The following MFSD6 variants were observed in gnomAD, a reference collection of about 807,000 sequenced individuals.
The protein encoded by MFSD6 is major facilitator superfamily domain-containing protein 6.
A neutral mutation model predicts 56.3 loss-of-function variants in MFSD6; 26 were observed. That is an observed-to-expected ratio of 0.46 (90% CI 0.34 to 0.64). The LOEUF (loss-of-function observed/expected upper bound fraction) is 0.64. Ranked by LOEUF, MFSD6 falls within the 30% of genes least tolerant of loss-of-function variation. MFSD6 has a pLI of 0.01. For missense variants in MFSD6, 750 were observed against 986.2 expected, an observed-to-expected ratio of 0.76 and a Z score of 3.21; for synonymous variants, 331 against 366.9, an observed-to-expected ratio of 0.90 and a Z score of 1.12.
rs1156921319 is a variant in MFSD6 at position 190,467,297 on chromosome 2, T to G, written c.1533-2461T>G. Among the ~76,000 whole-genome samples, 1 of 152,146 alleles carries G rather than the reference T, an allele frequency of 6.6e-6. No individual in the cohort carries two copies. Among genetic ancestry groups the G allele is most frequent in the Non-Finnish European group, 1.5e-5 (1 of 68,010 alleles). Reference sequence around the variant, plus strand: ...CTCGGCATCTGTAGTTGTAAACAGTTACCATGGTAAATCTGATGTCCAGCC... The same window carrying G: ...CTCGGCATCTGTAGTTGTAAACAGTGACCATGGTAAATCTGATGTCCAGCC... On this transcript the variant is annotated intron_variant, in intron 3 of 7. Coordinates refer to ENST00000392328, the MANE Select transcript of MFSD6 (RefSeq NM_017694.4). This position sits in a 1 kb window ranked among gnomAD's most constrained non-coding sequence, Gnocchi z 5.5.
intron 4 of MFSD6, among the ~76,000 whole-genome samples, chr2:190,480,632 C>T (rs892374195): frequency 3.9e-5 from 6 of 152,150 alleles, no homozygotes; most frequent in East Asian, 1.9e-4. Context: ...TGCAATAATC[C>T]GGAAACCATA....
rs1193008107 is a variant in MFSD6 at position 190,500,699 on chromosome 2, A to G, written c.*481A>G. 6.5e-6 allele frequency: 1 copy of G among 153,836 alleles called. No individual in the cohort carries two copies. The highest frequency in any genetic ancestry group is 1.4e-5 in the Non-Finnish European group (1 of 69,180). The allele number at this position is 153,836 out of a possible 1,614,324, so 9.5% of individuals were successfully genotyped here. A position where few individuals can be genotyped will look rare whatever the true frequency, so the allele number is the denominator to read the frequency against. On this transcript the variant is annotated 3_prime_UTR_variant, in exon 8 of 8. Coordinates refer to ENST00000392328, the MANE Select transcript of MFSD6 (RefSeq NM_017694.4). This position sits in a 1 kb window ranked among gnomAD's most constrained non-coding sequence, Gnocchi z 5.3. The stretch of plus-strand genomic sequence containing the variant: ...AGAGAACCGTTTAAAAAATTACAAG[A>G]TATATTTAAAAAGTAACCAGATAAA...
intron 2 of MFSD6, among the ~76,000 whole-genome samples, chr2:190,419,847 G>A (rs1559102345): frequency 6.6e-6 from 1 of 152,166 alleles, no homozygotes; most frequent in Non-Finnish European, 1.5e-5. Context: ...CCAGGTTTTA[G>A]AAGTCTGTGT....
Position 190,435,505 on chromosome 2 carries a change from C to T in MFSD6, c.-53-472C>T, listed in dbSNP as rs192023748. Among the ~76,000 whole-genome samples the T allele has an allele frequency of 6.6e-5, 10 of 152,338 alleles. No homozygotes were observed. In the East Asian group the frequency reaches 1.3e-3, roughly 21 times the overall value. Reference sequence around the variant, plus strand: ...GCCATCGGCTTCCTCTTTCTCATTACATTTGTGGTTGTGGTTAAGTGCAAC... The same window carrying T: ...GCCATCGGCTTCCTCTTTCTCATTATATTTGTGGTTGTGGTTAAGTGCAAC... On this transcript the variant is annotated intron_variant, in intron 2 of 7. Coordinates refer to ENST00000392328, the MANE Select transcript of MFSD6 (RefSeq NM_017694.4).
At position 190,463,730 on chromosome 2, in the gene MFSD6, G is replaced by C. The variant is rs1687451375; in HGVS notation, c.1533-6028G>C. 4.0e-6 allele frequency: 1 copy of C among 247,576 alleles called. No individual in the cohort carries two copies. Among genetic ancestry groups the C allele is most frequent in the Non-Finnish European group, 6.4e-6 (1 of 155,576 alleles). 15.3% of individuals were successfully genotyped at this position (247,576 alleles called of 1,614,324 possible). A position where few individuals can be genotyped will look rare whatever the true frequency, so the allele number is the denominator to read the frequency against. Reference sequence around the variant, plus strand: ...AGCTACTTGGGGGGCTGAGGTGGGAGGATCACCTGGGCTCTGGTGGTCAAG... The same window carrying C: ...AGCTACTTGGGGGGCTGAGGTGGGACGATCACCTGGGCTCTGGTGGTCAAG... On this transcript the variant is annotated intron_variant, in intron 3 of 7. Coordinates refer to ENST00000392328, the MANE Select transcript of MFSD6 (RefSeq NM_017694.4). The surrounding 1 kb of genome is among the most constrained non-coding windows in gnomAD (Gnocchi z 4.4).
chr2:190,452,964 C>T (rs940992907), intron 3 of MFSD6, among the ~76,000 whole-genome samples: 7 of 152,148 alleles, frequency 4.6e-5, no homozygotes, highest in Non-Finnish European at 1.0e-4. Context: ...TTCAATATTT[C>T]TTTAAAGGAG....
chr2:190,436,087 T>C lies in MFSD6; in HGVS notation c.58T>C (p.Tyr20His), dbSNP rs774317648. Residue 20 changes from tyrosine to histidine, a missense_variant, in exon 3 of 8, where the codon TAT becomes CAT. Transcript: ENST00000392328. This position sits in a 1 kb window ranked among gnomAD's most constrained non-coding sequence, Gnocchi z 5.3. ...TGATGAAGAGGAACAGAAGAGAAAG[T>C]ATGTGCTTGCAGATCCCTTTAATGG... ...TDDEEEQKRKYVLADPFNGIS... is the reference protein window; with the variant it reads ...TDDEEEQKRKHVLADPFNGIS... 6.2e-7 allele frequency: 1 copy of C among 1,614,164 alleles called. No homozygotes were observed. Among genetic ancestry groups the C allele is most frequent in the South Asian group, 1.1e-5 (1 of 91,080 alleles).
At chr2:190,476,738 T>A (rs1688341525) in intron 4 of MFSD6, among the ~76,000 whole-genome samples, 1 of 152,134 alleles carries the variant, frequency 6.6e-6, no homozygotes, top group Non-Finnish European at 1.5e-5. Flanking sequence ...CATGCTGCTA[T>A]AAAGACACAT....
intron 4 of MFSD6, among the ~76,000 whole-genome samples, chr2:190,476,369 C>A (rs927208518): frequency 5.9e-5 from 9 of 152,110 alleles, no homozygotes; most frequent in Admixed American, 5.9e-4. Flanking sequence ...AAGAAAAAAA[C>A]AACCCCATCA....
Position 190,492,319 on chromosome 2 carries a change from G to T in MFSD6, c.1891+2453G>T, listed in dbSNP as rs1261679301. Among the ~76,000 whole-genome samples the T allele has an allele frequency of 6.6e-6, 1 of 152,192 alleles. No homozygotes were observed. The highest frequency in any genetic ancestry group is 1.5e-5 in the Non-Finnish European group (1 of 68,038). On this transcript the variant is annotated intron_variant, in intron 6 of 7. Coordinates refer to ENST00000392328, the MANE Select transcript of MFSD6 (RefSeq NM_017694.4). This position sits in a 1 kb window ranked among gnomAD's most constrained non-coding sequence, Gnocchi z 5.2. ...GAACACCTGGGAAATTCATTGCAAA[G>T]AGATCATTGCCTAGGCACATTGTCA... is the stretch of plus-strand genomic sequence containing the variant.
chr2:190,463,175 G>A lies in MFSD6; in HGVS notation c.1533-6583G>A, dbSNP rs1490104672. On this transcript the variant is annotated intron_variant, in intron 3 of 7. Coordinates refer to ENST00000392328, the MANE Select transcript of MFSD6 (RefSeq NM_017694.4). This position sits in a 1 kb window ranked among gnomAD's most constrained non-coding sequence, Gnocchi z 4.4. ...GTAGCATATCATGGAAGATAGCTGG[G>A]AGGAGGGGGACAGTTATGAGAAAAC... 6.6e-6 allele frequency among the ~76,000 whole-genome samples: 1 copy of A among 152,224 alleles called. No individual in the cohort carries two copies. The highest frequency in any genetic ancestry group is 1.5e-5 in the Non-Finnish European group (1 of 68,034).
intron 4 of MFSD6, among the ~76,000 whole-genome samples, chr2:190,481,551 AAGG>A (rs1326622944): frequency 6.6e-6 from 1 of 152,144 alleles, no homozygotes; most frequent in African/African-American, 2.4e-5. Flanking sequence ...GTCTGTTCTC[AAGG>A]AGCTCAGTCT....
At chr2:190,414,754 T>C (rs1690706577) in intron 1 of MFSD6, among the ~76,000 whole-genome samples, 1 of 152,208 alleles carries the variant, frequency 6.6e-6, no homozygotes, top group Non-Finnish European at 1.5e-5. Flanking sequence ...TAAATAATGA[T>C]TTTTTAAAAA....
Position 190,437,198 on chromosome 2 carries a change from G to A in MFSD6, c.1169G>A (p.Arg390Gln), listed in dbSNP as rs1271214148. Residue 390 changes from arginine to glutamine, a missense_variant, in exon 3 of 8, where the codon CGG becomes CAG. By Grantham distance (43) the Arg-to-Gln change is conservative. This residue lies in a region of MFSD6 where 376 missense variants were observed against 437.9 expected (regional missense o/e 0.86). Coordinates refer to ENST00000392328, the MANE Select transcript of MFSD6 (RefSeq NM_017694.4). This position sits in a 1 kb window ranked among gnomAD's most constrained non-coding sequence, Gnocchi z 5.9. ...TMALIVATQF[R>Q]FRYNHFKNDD... ...GCCTTGATCGTTGCCACTCAGTTCC[G>A]GTTCCGCTACAACCATTTCAAAAAC... 8 of 1,614,150 alleles carry A rather than the reference G, an allele frequency of 5.0e-6. No individual in the cohort carries two copies. The highest frequency in any genetic ancestry group is 4.5e-5 in the East Asian group (2 of 44,882).
At position 190,424,803 on chromosome 2, in the gene MFSD6, CCTT is replaced by C. The variant is rs1440187195; in HGVS notation, c.-54+9393_-54+9395del. 2.6e-5 allele frequency among the ~76,000 whole-genome samples: 4 copies of C among 152,288 alleles called. No individual in the cohort carries two copies. Among genetic ancestry groups the C allele is most frequent in the African/African-American group, 7.2e-5 (3 of 41,562 alleles). On this transcript the variant is annotated intron_variant, in intron 2 of 7. Coordinates refer to ENST00000392328, the MANE Select transcript of MFSD6 (RefSeq NM_017694.4). This position sits in a 1 kb window ranked among gnomAD's most constrained non-coding sequence, Gnocchi z 5.9. The stretch of plus-strand genomic sequence containing the variant: ...CTGTTACATTGATCTATGTGTCTGT[CCTT>C]CTGCTAATACCACACGGTCTTAATG...
rs4340549 is a variant in MFSD6 at position 190,469,002 on chromosome 2, C to T, written c.1533-756C>T. On this transcript the variant is annotated intron_variant, in intron 3 of 7. Transcript: ENST00000392328. The surrounding 1 kb of genome is among the most constrained non-coding windows in gnomAD (Gnocchi z 5.3). Reference sequence around the variant, plus strand: ...AGCCCATCCAGTTCAGAACGAGAGACTGAAACCTTATGCTTGGGTGCACCA... The same window carrying T: ...AGCCCATCCAGTTCAGAACGAGAGATTGAAACCTTATGCTTGGGTGCACCA... Among the ~76,000 whole-genome samples, 103,993 of 151,918 alleles carry T rather than the reference C, an allele frequency of 0.68. 37,398 individuals carry two copies. Among genetic ancestry groups the T allele is most frequent in the Admixed American group, 0.78 (11,872 of 15,272 alleles).
chr2:190,492,335 C>T lies in MFSD6; in HGVS notation c.1891+2469C>T, dbSNP rs1689406982. Among the ~76,000 whole-genome samples, 1 of 152,128 alleles carries T rather than the reference C, an allele frequency of 6.6e-6. No homozygotes were observed. Among genetic ancestry groups the T allele is most frequent in the Non-Finnish European group, 1.5e-5 (1 of 68,018 alleles). ...CATTGCAAAGAGATCATTGCCTAGG[C>T]ACATTGTCATCAGGCTATCTAAAGT... On this transcript the variant is annotated intron_variant, in intron 6 of 7. Coordinates refer to ENST00000392328, the MANE Select transcript of MFSD6 (RefSeq NM_017694.4). This position sits in a 1 kb window ranked among gnomAD's most constrained non-coding sequence, Gnocchi z 5.2.
At chr2:190,446,779 C>T (rs574785979) in intron 3 of MFSD6, among the ~76,000 whole-genome samples, 2 of 152,276 alleles carry the variant, frequency 1.3e-5, no homozygotes, top group South Asian at 4.2e-4. Flanking sequence ...GATGAATACT[C>T]GGTTCTGGTC....
chr2:190,479,530 C>T (rs556010099), intron 4 of MFSD6, among the ~76,000 whole-genome samples: 1 of 152,254 alleles, frequency 6.6e-6, no homozygotes, highest in Non-Finnish European at 1.5e-5. Context: ...ATTAAACATT[C>T]ATGATTTTGA....
Sources: allele counts gnomAD v4.1 joint callset (sites outside exome capture counted in the v4.1 genomes callset), GRCh38; gene constraint gnomAD v4.1.1; regional missense constraint gnomAD v4.1.1; non-coding constraint Gnocchi (gnomAD v3.1); transcripts MANE v1.5; gene names NCBI Gene and HGNC (gene_info 2026-07-23, HGNC 2026-07-21).